TTC29: variants seen among roughly 807,000 people sequenced by gnomAD.
TTC29 encodes tetratricopeptide repeat domain 29, also known as tetratricopeptide repeat protein 29.
In TTC29, 49 loss-of-function variants were observed where a neutral mutation model predicts 58.1. The observed-to-expected ratio is 0.84, with a 90% CI of 0.67 to 1.07. TTC29 has a LOEUF of 1.07. TTC29 is among the 50% of genes least tolerant of loss of function. TTC29 has a pLI of 0.00. For synonymous variants in TTC29, 209 were observed against 196.8 expected (o/e 1.06, Z -0.52); for missense variants, 582 against 555.6 (o/e 1.05, Z -0.48).
chr4:146,814,682 T>G (rs1268628821), intron 10 of TTC29, among the ~76,000 whole-genome samples: 1 of 132,054 alleles, frequency 7.6e-6, no homozygotes, highest in African/African-American at 2.9e-5. Flanking sequence ...GCCGAAATTG[T>G]GCCACTGCAC....
intron 11 of TTC29, among the ~76,000 whole-genome samples, chr4:146,776,987 C>A (rs1748149029): frequency 6.6e-6 from 1 of 151,676 alleles, no homozygotes; most frequent in South Asian, 2.1e-4. Flanking sequence ...TCAGTGCATG[C>A]GTTCACACTG....
At chr4:146,802,006 A>G (rs1019575322) in intron 11 of TTC29, among the ~76,000 whole-genome samples, 1 of 145,504 alleles carries the variant, frequency 6.9e-6, no homozygotes, top group Non-Finnish European at 1.5e-5. Context: ...AAAAAAAAAA[A>G]AAAGAGACTT....
chr4:146,882,301 A>G (rs1026266194), intron 6 of TTC29, among the ~76,000 whole-genome samples: 2 of 152,124 alleles, frequency 1.3e-5, no homozygotes, highest in African/African-American at 4.8e-5. Context: ...TCTAAAGATA[A>G]GCATTAGGCA....
chr4:146,756,302 T>C (rs1049988587), intron 11 of TTC29, among the ~76,000 whole-genome samples: 31 of 151,584 alleles, frequency 2.0e-4, no homozygotes, highest in African/African-American at 7.0e-4. Flanking sequence ...TGTAGTCAGA[T>C]TCAAATGTCT....
At chr4:146,907,833 T>G (rs1579959332) in intron 5 of TTC29, among the ~76,000 whole-genome samples, 1 of 152,282 alleles carries the variant, frequency 6.6e-6, no homozygotes, top group Middle Eastern at 3.4e-3. Flanking sequence ...CACTTTTTAT[T>G]TACAATAGTT....
At chr4:146,779,020 G>GAAAAGAAAAAC (rs368079021) in intron 11 of TTC29, among the ~76,000 whole-genome samples, 1 of 55,548 alleles carries the variant, frequency 1.8e-5, no homozygotes, top group Non-Finnish European at 4.0e-5. Flanking sequence ...AAAAGAAAAA[G>GAAAAGAAAAAC]AAATGCTGTT....
At chr4:146,741,991 A>G (rs980575454) in intron 11 of TTC29, among the ~76,000 whole-genome samples, 1 of 152,160 alleles carries the variant, frequency 6.6e-6, no homozygotes. Context: ...GTTCACATGC[A>G]TTATCTCATT....
chr4:146,910,129 A>G (rs1733800543), intron 4 of TTC29, among the ~76,000 whole-genome samples: 4 of 151,976 alleles, frequency 2.6e-5, no homozygotes. Flanking sequence ...AATAGGACAA[A>G]CGACATGATG....
intron 11 of TTC29, among the ~76,000 whole-genome samples, chr4:146,761,503 C>T (rs933929531): frequency 2.6e-5 from 4 of 151,844 alleles, no homozygotes; most frequent in African/African-American, 4.8e-5. Flanking sequence ...AAGTAAGCTT[C>T]CAATGCACAC....
At chr4:146,830,742 G>C (rs1330931080) in intron 9 of TTC29, among the ~76,000 whole-genome samples, 1 of 152,090 alleles carries the variant, frequency 6.6e-6, no homozygotes, top group Non-Finnish European at 1.5e-5. Flanking sequence ...GCTATGAAAG[G>C]GCTGGTACAT....
At chr4:146,871,256 A>G (rs1730910079) in intron 7 of TTC29, among the ~76,000 whole-genome samples, 2 of 151,970 alleles carry the variant, frequency 1.3e-5, no homozygotes, top group Admixed American at 6.6e-5. Context: ...CAATAGATGT[A>G]GGAAAAAAAC....
At chr4:146,778,737 A>G (rs772346507) in intron 11 of TTC29, among the ~76,000 whole-genome samples, 2 of 152,104 alleles carry the variant, frequency 1.3e-5, no homozygotes, top group Non-Finnish European at 2.9e-5. Flanking sequence ...GTGAAAATCA[A>G]ATACCATGCG....
intron 8 of TTC29, among the ~76,000 whole-genome samples, chr4:146,848,224 C>T (rs757169244): frequency 3.3e-5 from 5 of 152,150 alleles, no homozygotes; most frequent in Non-Finnish European, 7.4e-5. Context: ...TCAGCCTATG[C>T]AAAGAGTATA....
intron 11 of TTC29, among the ~76,000 whole-genome samples, chr4:146,724,771 C>T (rs1236507154): frequency 1.3e-5 from 2 of 152,150 alleles, no homozygotes; most frequent in African/African-American, 4.8e-5. Flanking sequence ...GCCTCGGCCT[C>T]CCAAAGTGCT....
At chr4:146,792,333 A>G (rs1749518927) in intron 11 of TTC29, among the ~76,000 whole-genome samples, 1 of 152,226 alleles carries the variant, frequency 6.6e-6, no homozygotes, top group Admixed American at 6.5e-5. Flanking sequence ...ATTATGCTAA[A>G]TCTACCACAC....
intron 9 of TTC29, among the ~76,000 whole-genome samples, chr4:146,824,900 C>T (rs1727662443): frequency 6.6e-6 from 1 of 151,926 alleles, no homozygotes; most frequent in South Asian, 2.1e-4. Flanking sequence ...TAGTTGTTTA[C>T]CATATTCTCT....
intron 4 of TTC29, among the ~76,000 whole-genome samples, chr4:146,929,992 CACATACATATAT>C (rs1299131976): frequency 1.2e-4 from 18 of 149,064 alleles, no homozygotes; most frequent in African/African-American, 4.5e-4. Flanking sequence ...TGCTAATACA[CACATACATATAT>C]ACACACAAAC....
At chr4:146,900,684 A>G (rs571433775) in intron 6 of TTC29, among the ~76,000 whole-genome samples, 1 of 152,252 alleles carries the variant, frequency 6.6e-6, no homozygotes, top group South Asian at 2.1e-4. Context: ...TAAAAATCAG[A>G]ATGAGAGGGG....
chr4:146,858,252 A>T (rs1561194605), intron 8 of TTC29, among the ~76,000 whole-genome samples: 1 of 152,224 alleles, frequency 6.6e-6, no homozygotes, highest in Non-Finnish European at 1.5e-5. Context: ...CTAAGGTCAC[A>T]CAGCTAGTGC....
Sources: gnomAD v4.1 joint callset for allele counts (sites outside exome capture counted in the v4.1 genomes callset) on GRCh38, gnomAD v4.1.1 for gene constraint, MANE v1.5 for transcripts, NCBI Gene and HGNC (gene_info 2026-07-23, HGNC 2026-07-21) for gene names.